The following METTL14 variants were observed in gnomAD, a reference collection of about 807,000 sequenced individuals.
METTL14 encodes the protein methyltransferase 14, N6-adenosine-methyltransferase non-catalytic subunit, also known as N(6)-adenosine-methyltransferase non-catalytic subunit METTL14.
Under a neutral mutation model 62.4 loss-of-function variants are expected in METTL14, and 32 were observed. The observed-to-expected ratio is 0.51, with a 90% confidence interval of 0.39 to 0.69. METTL14 has a LOEUF of 0.69. Among genes scored for constraint, METTL14 ranks in the 30% least tolerant of loss-of-function variants. The pLI, the probability that METTL14 is intolerant of heterozygous loss-of-function variation, is 0.00. For missense variants in METTL14, 340 were observed against 551.9 expected (o/e 0.62, Z 3.85); for synonymous variants, 150 against 180.0 (o/e 0.83, Z 1.34).
intron 6 of METTL14, among the ~76,000 whole-genome samples, chr4:118,694,938 A>G (rs1429985329): frequency 6.6e-6 from 1 of 151,974 alleles, no homozygotes; most frequent in African/African-American, 2.4e-5. Flanking sequence ...AAGAGCTAGG[A>G]TTACAGGCAC....
chr4:118,686,373 C>T (rs1436308905), intron 1 of METTL14, among the ~76,000 whole-genome samples: 1 of 152,186 alleles, frequency 6.6e-6, no homozygotes, highest in Non-Finnish European at 1.5e-5. Context: ...ACAGATTGTG[C>T]ACAGTTCTAC....
Position 118,685,612 on chromosome 4 carries a change from TGGTGTCC to T in METTL14, c.66+13_66+19del, listed in dbSNP as rs1724024591. 6.2e-7 allele frequency: 1 copy of T among 1,613,370 alleles called. No homozygotes were observed. Among genetic ancestry groups the T allele is most frequent in the Non-Finnish European group, 8.5e-7 (1 of 1,179,592 alleles). ...TCCTCGCGCAGCAGGTCCGCGGCCC[TGGTGTCC>T]CCTGTGGGAGGGATCGAGAATGCGA... On this transcript the variant is annotated intron_variant, in intron 1 of 10. Transcript: ENST00000388822.
intron 2 of METTL14, among the ~76,000 whole-genome samples, chr4:118,688,374 T>C (rs372380382): frequency 3.6e-4 from 54 of 151,498 alleles, no homozygotes; most frequent in African/African-American, 1.3e-3. Flanking sequence ...GAGGCGGAGA[T>C]TGTAGTGAGC....
Position 118,698,819 on chromosome 4 carries a change from T to A in METTL14, c.645+1496T>A, listed in dbSNP as rs575506987. ...AGGTCATAGGAATAAAATATGAAACTCTAAGGACAGGCAGATCTGGTTTCA... is the reference window on the plus strand; with the variant it reads ...AGGTCATAGGAATAAAATATGAAACACTAAGGACAGGCAGATCTGGTTTCA... On this transcript the variant is annotated intron_variant, in intron 7 of 10. Coordinates refer to ENST00000388822, the MANE Select transcript of METTL14 (RefSeq NM_020961.4). Among the ~76,000 whole-genome samples, 5 of 152,254 alleles carry A rather than the reference T, an allele frequency of 3.3e-5. No homozygotes were observed. In the South Asian group the frequency reaches 1.0e-3, roughly 32 times the overall value.
At chr4:118,687,855 C>A in intron 1 of METTL14, 68 bp from the exon 2 acceptor site, 1 of 1,260,420 alleles carries the variant, frequency 7.9e-7, no homozygotes, top group Non-Finnish European at 1.1e-6. Flanking sequence ...GTATTAAATG[C>A]TGCTACAAAT....
At chr4:118,697,501 T>A in intron 7 of METTL14, 178 bp downstream of exon 7, 2 of 547,994 alleles carry the variant, frequency 3.6e-6, no homozygotes, top group African/African-American at 2.0e-5. Flanking sequence ...ACATTATCTT[T>A]AATTTGAGCC....
At chr4:118,707,663 CAAA>C (rs58896173) in intron 10 of METTL14, among the ~76,000 whole-genome samples, 19 of 54,048 alleles carry the variant, frequency 3.5e-4, no homozygotes, top group Admixed American at 1.3e-3. Flanking sequence ...GACCCTGTCT[CAAA>C]AAAAAAAAAA....
At position 118,688,023 on chromosome 4, in the gene METTL14, A is replaced by AATT; in HGVS notation, c.155+13_155+15dup. 1.9e-6 allele frequency: 3 copies of AATT among 1,558,128 alleles called. No individual in the cohort carries two copies. The highest frequency in any genetic ancestry group is 2.6e-6 in the Non-Finnish European group (3 of 1,139,424). Reference sequence around the variant, plus strand: ...AGAGAAACTTGCAGGTCAGTCAGATAATTCTTTTTTTTTTTTTTTTTGAGA... The same window carrying AATT: ...AGAGAAACTTGCAGGTCAGTCAGATAATTATTCTTTTTTTTTTTTTTTTTGAGA... On this transcript the variant is annotated intron_variant, in intron 2 of 10. Transcript: ENST00000388822.
rs1724439091 is a variant in METTL14 at position 118,697,219 on chromosome 4, GAACT to G, written c.545_548del (p.Leu182HisfsTer6). On this transcript the variant is annotated frameshift_variant, in exon 7 of 11. Coordinates refer to ENST00000388822, the MANE Select transcript of METTL14 (RefSeq NM_020961.4). LOFTEE classifies it high-confidence loss of function. Reference sequence around the variant, plus strand: ...CGATATAGAAGCCTTTGACATCAGAGAACTAACACCCAAATTTGATGTGATTCTT... The same window carrying G: ...CGATATAGAAGCCTTTGACATCAGAGAACACCCAAATTTGATGTGATTCTT... 2 of 1,611,582 alleles carry G rather than the reference GAACT, an allele frequency of 1.2e-6. No individual in the cohort carries two copies.
chr4:118,699,744 C>T (rs1724531374), intron 7 of METTL14, among the ~76,000 whole-genome samples: 1 of 152,106 alleles, frequency 6.6e-6, no homozygotes, highest in Non-Finnish European at 1.5e-5. Flanking sequence ...ATTTTATATG[C>T]AAATTCTTGA....
chr4:118,685,651 G>T (rs951506497), intron 1 of METTL14, 51 bp downstream of exon 1: 1 of 1,525,206 alleles, frequency 6.6e-7, no homozygotes, highest in South Asian at 1.1e-5. Flanking sequence ...GCGAGTGCGC[G>T]GCCGCCTCCT....
chr4:118,690,659 AAC>A (rs1724218305), intron 3 of METTL14, among the ~76,000 whole-genome samples: 1 of 151,340 alleles, frequency 6.6e-6, no homozygotes, highest in Non-Finnish European at 1.5e-5. Context: ...CAGCCTGGGC[AAC>A]AGAGTGACTC....
At chr4:118,692,933 G>A (rs576640504) in intron 5 of METTL14, among the ~76,000 whole-genome samples, 1 of 152,126 alleles carries the variant, frequency 6.6e-6, no homozygotes, top group Non-Finnish European at 1.5e-5. Flanking sequence ...ACAATGTGTG[G>A]TGGTTTGTCA....
rs1335299226 is a variant in METTL14 at position 118,711,143 on chromosome 4, A to C, written c.*841A>C. 6.6e-6 allele frequency: 1 copy of C among 152,204 alleles called. No homozygotes were observed. The highest frequency in any genetic ancestry group is 1.5e-5 in the Non-Finnish European group (1 of 68,040). The allele number at this position is 152,204 out of a possible 1,614,324, so 9.4% of individuals were successfully genotyped here. On this transcript the variant is annotated 3_prime_UTR_variant, in exon 11 of 11. Coordinates refer to ENST00000388822, the MANE Select transcript of METTL14 (RefSeq NM_020961.4). ...CTTGGTTTATACATTTTGGGACTAA[A>C]ATACTTGGTGATGAAATGACATACA...
intron 10 of METTL14, among the ~76,000 whole-genome samples, chr4:118,709,288 T>C (rs1254304042): frequency 1.3e-5 from 2 of 152,202 alleles, no homozygotes; most frequent in African/African-American, 4.8e-5. Context: ...GTAAAAGATC[T>C]TAGATTTTAT....
chr4:118,687,596 C>G (rs13124091), intron 1 of METTL14, among the ~76,000 whole-genome samples: 43,687 of 152,070 alleles, frequency 0.29, 7,191 homozygotes, highest in Non-Finnish European at 0.37. Context: ...AACACACTTA[C>G]AACGTTTATT....
chr4:118,690,448 A>T (rs1035650310), intron 3 of METTL14, among the ~76,000 whole-genome samples: 1 of 151,912 alleles, frequency 6.6e-6, no homozygotes, highest in Non-Finnish European at 1.5e-5. Context: ...GGAGGTCAAG[A>T]TGTGCAGATC....
At chr4:118,704,603 A>G (rs995188418) in intron 9 of METTL14, among the ~76,000 whole-genome samples, 1 of 151,984 alleles carries the variant, frequency 6.6e-6, no homozygotes, top group Non-Finnish European at 1.5e-5. Flanking sequence ...AAATCCCAAG[A>G]TGGGTTGGAG....
At chr4:118,701,727 T>C (rs1450773491) in intron 8 of METTL14, among the ~76,000 whole-genome samples, 1 of 152,218 alleles carries the variant, frequency 6.6e-6, no homozygotes, top group East Asian at 1.9e-4. Context: ...CTATCTCATT[T>C]AATGATTCCA....
Sources: allele counts gnomAD v4.1 joint callset (sites outside exome capture counted in the v4.1 genomes callset), GRCh38; gene constraint gnomAD v4.1.1; transcripts MANE v1.5; gene names NCBI Gene and HGNC (gene_info 2026-07-23, HGNC 2026-07-21).